ECE1: variants seen among roughly 807,000 people sequenced by gnomAD.
The protein encoded by ECE1 is endothelin-converting enzyme 1.
ECE1 carries 35 observed loss-of-function variants against 98.6 expected under a neutral mutation model. The observed-to-expected ratio is 0.35, with a 90% CI of 0.27 to 0.47. The LOEUF (loss-of-function observed/expected upper bound fraction) is 0.47, where lower values mean the gene tolerates loss of function less well. ECE1 is among the 20% of genes least tolerant of loss of function. The pLI, the probability that ECE1 is intolerant of heterozygous loss-of-function variation, is 1.00. For synonymous variants in ECE1, 394 were observed against 407.1 expected (o/e 0.97, Z 0.39); for missense variants, 814 against 1,025.3 (o/e 0.79, Z 2.81).
intron 1 of ECE1, among the ~76,000 whole-genome samples, chr1:21,342,461 G>A (rs1329122036): frequency 6.6e-6 from 1 of 152,078 alleles, no homozygotes; most frequent in Admixed American, 6.6e-5. Context: ...GAGAAAACAG[G>A]GGGAGACGGT....
At position 21,219,809 on chromosome 1, in the gene ECE1, T is replaced by C. The variant is rs372073084; in HGVS notation, c.*146A>G. The C allele has an allele frequency of 1.5e-4, 156 of 1,032,858 alleles. No homozygotes were observed. In the East Asian group the frequency reaches 2.7e-3, roughly 18 times the overall value. 64.0% of individuals were successfully genotyped at this position (1,032,858 alleles called of 1,614,324 possible). A position where few individuals can be genotyped will look rare whatever the true frequency, so the allele number is the denominator to read the frequency against. On this transcript the variant is annotated 3_prime_UTR_variant, in exon 19 of 19. Coordinates refer to ENST00000374893, the MANE Select transcript of ECE1 (RefSeq NM_001397.3). This position sits in a 1 kb window ranked among gnomAD's most constrained non-coding sequence, Gnocchi z 4.5. ...CGGGTCACGTTGAGAGCCAACACCATGGGCTCGGTTCCGGCTGAAAACCCG... is the reference window on the plus strand; with the variant it reads ...CGGGTCACGTTGAGAGCCAACACCACGGGCTCGGTTCCGGCTGAAAACCCG...
At chr1:21,295,328 C>T (rs988772640), upstream of ECE1, among the ~76,000 whole-genome samples, 1 of 152,212 alleles carries the variant, frequency 6.6e-6, no homozygotes, top group African/African-American at 2.4e-5. Flanking sequence ...CTGGGAAACA[C>T]AGCAAAACCC....
At chr1:21,274,091 T>C (rs2098243722) in intron 3 of ECE1, among the ~76,000 whole-genome samples, 1 of 152,216 alleles carries the variant, frequency 6.6e-6, no homozygotes, top group African/African-American at 2.4e-5. Context: ...TTTGCACACA[T>C]TCAGGATCTC....
intron 4 of ECE1, among the ~76,000 whole-genome samples, chr1:21,268,605 C>T (rs1478251970): frequency 6.6e-6 from 1 of 152,234 alleles, no homozygotes; most frequent in Non-Finnish European, 1.5e-5. Context: ...CTGACACAAT[C>T]CACACTGGCA....
intron 1 of ECE1, among the ~76,000 whole-genome samples, chr1:21,311,885 A>C (rs2103391405): frequency 6.6e-6 from 1 of 152,212 alleles, no homozygotes; most frequent in South Asian, 2.1e-4. Flanking sequence ...GCACTTTGGG[A>C]GGCTGAGGCG....
intron 1 of ECE1, among the ~76,000 whole-genome samples, chr1:21,343,023 A>G (rs1038515165): frequency 6.6e-6 from 1 of 152,062 alleles, no homozygotes; most frequent in African/African-American, 2.4e-5. Flanking sequence ...CCTTTCCAGG[A>G]GCCTGTCCTG....
rs552609558 is a variant in ECE1, at chr1:21,225,556, C to A, written c.1850-116G>T. ...TCCGTCCACCCCCGTCCTCCAGCCACCATGGGGAGACGAGGTCCCTGTGAG... is the reference window on the plus strand; with the variant it reads ...TCCGTCCACCCCCGTCCTCCAGCCAACATGGGGAGACGAGGTCCCTGTGAG... On this transcript the variant is annotated intron_variant, in intron 16 of 18. Transcript: ENST00000374893. This position sits in a 1 kb window ranked among gnomAD's most constrained non-coding sequence, Gnocchi z 5.3. The A allele has an allele frequency of 2.8e-5, 35 of 1,230,724 alleles. No homozygotes were observed. In the South Asian group the frequency reaches 4.8e-4, roughly 17 times the overall value. The allele number at this position is 1,230,724 out of a possible 1,614,324, so 76.2% of individuals were successfully genotyped here. A position where few individuals can be genotyped will look rare whatever the true frequency, so the allele number is the denominator to read the frequency against.
At chr1:21,304,112 G>A (rs369695986) in intron 1 of ECE1, among the ~76,000 whole-genome samples, 5 of 150,434 alleles carry the variant, frequency 3.3e-5, no homozygotes, top group African/African-American at 1.2e-4. Flanking sequence ...TCAGCAGATC[G>A]AGACCATCCT....
intron 1 of ECE1, among the ~76,000 whole-genome samples, chr1:21,334,215 T>C (rs1056674348): frequency 6.6e-6 from 1 of 152,246 alleles, no homozygotes; most frequent in African/African-American, 2.4e-5. Context: ...TTTGTGAGCC[T>C]TGGTCTGCCC....
chr1:21,290,075 G>C lies in ECE1; in HGVS notation c.133C>G (p.Leu45Val). 6.7e-7 allele frequency: 1 copy of C among 1,499,568 alleles called. No individual in the cohort carries two copies. The highest frequency in any genetic ancestry group is 8.9e-7 in the Non-Finnish European group (1 of 1,118,512). The allele number at this position is 1,499,568 out of a possible 1,614,324, so 92.9% of individuals were successfully genotyped here. The change falls in exon 2 of 19, where the codon CTG (leucine) becomes GTG (valine). Residue 45 changes from leucine to valine, a missense_variant. Leu to Val is a conservative substitution (Grantham distance 32). Coordinates refer to ENST00000374893, the MANE Select transcript of ECE1 (RefSeq NM_001397.3). This position sits in a 1 kb window ranked among gnomAD's most constrained non-coding sequence, Gnocchi z 7.3. The stretch of plus-strand genomic sequence containing the variant: ...AGGGAGCGGAGGGCGCCTACCTGCA[G>C]GCCGTTGGGGTATGCGTCGCCCTCG... ...LSEGDAYPNG[L>V]QVNFHSPRSG...
intron 1 of ECE1, among the ~76,000 whole-genome samples, chr1:21,321,533 C>T (rs972094544): frequency 6.6e-6 from 1 of 151,976 alleles, no homozygotes; most frequent in Admixed American, 6.6e-5. Context: ...TGAGCACCTA[C>T]GGTGTGTTGG....
At chr1:21,239,513 T>C (rs922221062) in intron 10 of ECE1, among the ~76,000 whole-genome samples, 1 of 152,212 alleles carries the variant, frequency 6.6e-6, no homozygotes, top group Non-Finnish European at 1.5e-5. Flanking sequence ...AAATGTGGTA[T>C]TTTTATACAG....
intron 4 of ECE1, among the ~76,000 whole-genome samples, chr1:21,261,773 G>T (rs541924224): frequency 5.3e-5 from 8 of 152,338 alleles, no homozygotes; most frequent in Non-Finnish European, 1.0e-4. Flanking sequence ...CGGAGGGGTG[G>T]GGAGAAGAGG....
chr1:21,247,601 G>A (rs2098205665), intron 8 of ECE1, among the ~76,000 whole-genome samples: 1 of 152,230 alleles, frequency 6.6e-6, no homozygotes, highest in Non-Finnish European at 1.5e-5. Context: ...GCAATGAGAA[G>A]ATGCAGCAGC....
At chr1:21,283,143 G>A (rs761214909) in intron 2 of ECE1, among the ~76,000 whole-genome samples, 4 of 151,732 alleles carry the variant, frequency 2.6e-5, no homozygotes, top group South Asian at 2.1e-4. Flanking sequence ...GGGTTTCACC[G>A]TGTTAGCCAG....
intron 1 of ECE1, among the ~76,000 whole-genome samples, chr1:21,334,269 T>A (rs3026820): frequency 0.4 from 60,718 of 152,074 alleles, 12,667 homozygotes; most frequent in Non-Finnish European, 0.47. Flanking sequence ...CCACCTCCTG[T>A]GACTCTGTGA....
rs3061088 is a variant in ECE1, at chr1:21,320,415, C to CTTT, written c.3+24958_3+24960dup. ...TCATGGAAGGTGCTGGAGAAATAAG[C>CTTT]TTTTTAAAAAAAATTTAATACTGTT... On this transcript the variant is annotated intron_variant, in intron 1 of 18. Transcript: ENST00000415912. 3.2e-3 allele frequency among the ~76,000 whole-genome samples: 480 copies of CTTT among 151,818 alleles called. 3 individuals are homozygous for CTTT. Among genetic ancestry groups the CTTT allele is most frequent in the African/African-American group, 0.011 (458 of 41,352 alleles).
intron 1 of ECE1, among the ~76,000 whole-genome samples, chr1:21,314,147 A>G (rs182421970): frequency 1.3e-5 from 2 of 152,382 alleles, no homozygotes; most frequent in East Asian, 3.9e-4. Context: ...AATAAGAGAC[A>G]CAGAGAGGTT....
intron 2 of ECE1, 83 bp from the exon 3 acceptor site, chr1:21,279,415 C>T (rs775412241): frequency 1.2e-6 from 2 of 1,608,062 alleles, no homozygotes; most frequent in Non-Finnish European, 1.7e-6. Flanking sequence ...CCGCTGCAGG[C>T]CCAGGCCCTG....
Sources: gnomAD v4.1 joint callset for allele counts (sites outside exome capture counted in the v4.1 genomes callset) on GRCh38, gnomAD v4.1.1 for gene constraint, Gnocchi (gnomAD v3.1) non-coding constraint, MANE v1.5 for transcripts, NCBI Gene and HGNC (gene_info 2026-07-23, HGNC 2026-07-21) for gene names.